Variants in SOX6 observed in about 807,000 individuals in gnomAD.
SOX6 encodes the protein transcription factor SOX-6.
A neutral mutation model predicts 97.8 loss-of-function variants in SOX6; 11 were observed. The observed-to-expected ratio is 0.11, with a 90% confidence interval of 0.07 to 0.19. The LOEUF (loss-of-function observed/expected upper bound fraction) is 0.19, where lower values mean the gene tolerates loss of function less well. Ranked by LOEUF, SOX6 falls within the 10% of genes least tolerant of loss-of-function variation. The pLI is 1.00. For synonymous variants in SOX6, 360 were observed against 371.4 expected (o/e 0.97, Z 0.35); for missense variants, 810 against 1,039.5 (o/e 0.78, Z 3.04).
At chr11:16,388,492 A>G (rs1242657687) in intron 1 of SOX6, among the ~76,000 whole-genome samples, 2 of 152,090 alleles carry the variant, frequency 1.3e-5, no homozygotes, top group Non-Finnish European at 2.9e-5. Flanking sequence ...TTTCTTAAAT[A>G]TTTGATAGAA....
At chr11:16,296,502 T>G (rs553495205) in intron 3 of SOX6, among the ~76,000 whole-genome samples, 1 of 152,212 alleles carries the variant, frequency 6.6e-6, no homozygotes, top group East Asian at 1.9e-4. Context: ...TTTGAGACAC[T>G]AGAAGGTAAT....
intron 7 of SOX6, among the ~76,000 whole-genome samples, chr11:16,102,028 A>G (rs1427845163): frequency 2.0e-5 from 3 of 152,032 alleles, no homozygotes; most frequent in Admixed American, 6.6e-5. Context: ...AGTCCTAGCA[A>G]GAGCAATGAG....
intron 2 of SOX6, chr11:16,736,240 T>C (rs1848390585): frequency 6.6e-6 from 1 of 152,246 alleles, no homozygotes; most frequent in Non-Finnish European, 1.5e-5. Flanking sequence ...GTTTCACTCA[T>C]GATAGTGTAT....
At chr11:16,284,889 G>A (rs1236060947) in intron 3 of SOX6, among the ~76,000 whole-genome samples, 1 of 152,034 alleles carries the variant, frequency 6.6e-6, no homozygotes, top group Non-Finnish European at 1.5e-5. Flanking sequence ...TGATTTTTCA[G>A]TAATAATGAA....
At chr11:16,707,918 A>G (rs917278829) in intron 3 of SOX6, among the ~76,000 whole-genome samples, 4 of 152,292 alleles carry the variant, frequency 2.6e-5, no homozygotes, top group Non-Finnish European at 5.9e-5. Context: ...ATCTAATATC[A>G]AAACAAAAAG....
intron 4 of SOX6, among the ~76,000 whole-genome samples, chr11:16,196,827 CTTCTT>C (rs1006702834): frequency 7.4e-5 from 9 of 122,234 alleles, no homozygotes; most frequent in Middle Eastern, 4.3e-3. Flanking sequence ...TCTTCTTCTT[CTTCTT>C]TTTTTTTTTT....
chr11:16,158,315 T>C (rs1200035636), intron 6 of SOX6, among the ~76,000 whole-genome samples: 1 of 151,956 alleles, frequency 6.6e-6, no homozygotes, highest in East Asian at 1.9e-4. Flanking sequence ...CCTTGGTGTA[T>C]ATATTATGTT....
chr11:16,217,716 A>C (rs973181898), intron 4 of SOX6, among the ~76,000 whole-genome samples: 1 of 152,132 alleles, frequency 6.6e-6, no homozygotes, highest in Non-Finnish European at 1.5e-5. Context: ...GACAGGAGCC[A>C]TGTGCATATG....
Position 16,015,003 on chromosome 11 carries a change from T to A in SOX6, c.1671A>T (p.Ser557=). The change falls in exon 13 of 16, where the codon TCA becomes TCT. Residue 557 remains serine (S), a synonymous_variant. Coordinates refer to ENST00000683767, the MANE Select transcript of SOX6 (RefSeq NM_001367873.1). ...ENLGPQLTGK[S]NEDGKLGPGV... ...CTGGGCCCAGTTTTCCATCTTCATT[T>A]GACTTTCCCGTTAACTGGGGCCCCA... The A allele has an allele frequency of 6.2e-7, 1 of 1,612,998 alleles. No homozygotes were observed. The highest frequency in any genetic ancestry group is 8.5e-7 in the Non-Finnish European group (1 of 1,179,360).
chr11:16,341,109 A>T lies in SOX6; in HGVS notation c.140T>A (p.Met47Lys). The change falls in exon 2 of 16, where the codon ATG (methionine) becomes AAG (lysine). Residue 47 changes from methionine (M) to lysine (K), a missense_variant. Physicochemically the swap from Met to Lys is moderately conservative, Grantham distance 95. Transcript: ENST00000683767. The stretch of plus-strand genomic sequence containing the variant: ...CTCCTCAGAGTGAGGTTTGTTGTGC[A>T]TTATGGGGTGCAGAGGCAGATGGGA... ...VASHLPLHPI[M>K]HNKPHSEELP... 6.2e-7 allele frequency: 1 copy of T among 1,613,556 alleles called. No homozygotes were observed. Among genetic ancestry groups the T allele is most frequent in the Non-Finnish European group, 8.5e-7 (1 of 1,179,580 alleles).
chr11:16,096,685 CA>C (rs1848804951), intron 8 of SOX6, among the ~76,000 whole-genome samples: 1 of 151,620 alleles, frequency 6.6e-6, no homozygotes, highest in African/African-American at 2.4e-5. Context: ...ACTAGCAACA[CA>C]AAAATAAAAA....
At chr11:16,022,134 A>G (rs1855076829) in intron 12 of SOX6, among the ~76,000 whole-genome samples, 1 of 152,152 alleles carries the variant, frequency 6.6e-6, no homozygotes, top group South Asian at 2.1e-4. Context: ...TATACATGTG[A>G]GTGCTTTGCA....
chr11:16,639,539 A>G (rs1236008617), intron 3 of SOX6, among the ~76,000 whole-genome samples: 1 of 152,152 alleles, frequency 6.6e-6, no homozygotes, highest in African/African-American at 2.4e-5. Context: ...GATTCTTCCT[A>G]CCCATGAGCA....
At chr11:16,010,974 T>C (rs575103092) in intron 13 of SOX6, among the ~76,000 whole-genome samples, 1 of 152,176 alleles carries the variant, frequency 6.6e-6, no homozygotes, top group South Asian at 2.1e-4. Context: ...AAATCCAACA[T>C]ACCTTTTTTA....
intron 3 of SOX6, among the ~76,000 whole-genome samples, chr11:16,661,637 T>A (rs553943750): frequency 6.6e-6 from 1 of 151,940 alleles, no homozygotes; most frequent in Non-Finnish European, 1.5e-5. Context: ...AGCCTCAAAC[T>A]CCTAGACTCA....
At chr11:16,661,883 C>T (rs1011887368) in intron 3 of SOX6, among the ~76,000 whole-genome samples, 1 of 152,080 alleles carries the variant, frequency 6.6e-6, no homozygotes, top group Non-Finnish European at 1.5e-5. Context: ...ACTCTCTCCT[C>T]GTTTTCCATG....
chr11:16,303,069 T>C (rs1478949389), intron 3 of SOX6, among the ~76,000 whole-genome samples: 2 of 152,212 alleles, frequency 1.3e-5, no homozygotes, highest in African/African-American at 4.8e-5. Context: ...ATGAAAAAGC[T>C]TAATAAATGA....
At chr11:16,092,713 A>T (rs1256512687) in intron 9 of SOX6, among the ~76,000 whole-genome samples, 1 of 151,922 alleles carries the variant, frequency 6.6e-6, no homozygotes, top group African/African-American at 2.4e-5. Flanking sequence ...ATGGTACCAG[A>T]TTTTGTTTAA....
chr11:16,640,645 G>A (rs918891041), intron 3 of SOX6, among the ~76,000 whole-genome samples: 5 of 152,136 alleles, frequency 3.3e-5, no homozygotes, highest in African/African-American at 9.7e-5. Context: ...TTGGGAGGGC[G>A]TATGTGTCGA....
Sources: gnomAD v4.1 joint callset for allele counts (sites outside exome capture counted in the v4.1 genomes callset) on GRCh38, gnomAD v4.1.1 for gene constraint, MANE v1.5 for transcripts, NCBI Gene and HGNC (gene_info 2026-07-23, HGNC 2026-07-21) for gene names.